Variants in FBXL5 observed in about 807,000 individuals in gnomAD.
FBXL5 encodes the protein F-box and leucine rich repeat protein 5.
Under a neutral mutation model 78.3 loss-of-function variants are expected in FBXL5, and 26 were observed. The observed-to-expected ratio is 0.33, with a 90% CI of 0.24 to 0.46. The LOEUF (loss-of-function observed/expected upper bound fraction) is 0.46. Among genes scored for constraint, FBXL5 ranks in the 20% least tolerant of loss-of-function variants. FBXL5 has a pLI of 1.00. For synonymous variants in FBXL5, 295 were observed against 282.5 expected (o/e 1.04, Z -0.45); for missense variants, 710 against 829.2 (o/e 0.86, Z 1.77).
At chr4:15,638,955 G>A (rs992482643) in intron 3 of FBXL5, among the ~76,000 whole-genome samples, 11 of 152,044 alleles carry the variant, frequency 7.2e-5, no homozygotes, top group Non-Finnish European at 1.3e-4. Flanking sequence ...ACCTGAGGTC[G>A]GGAGTTCGAG....
intron 9 of FBXL5, among the ~76,000 whole-genome samples, chr4:15,616,314 C>A (rs1711865512): frequency 6.6e-6 from 1 of 152,240 alleles, no homozygotes; most frequent in East Asian, 1.9e-4. Context: ...ATACAGGTCA[C>A]CCGGGAAGTG....
intron 2 of FBXL5, chr4:15,641,476 T>C (rs1714866739): frequency 2.9e-6 from 1 of 341,808 alleles, no homozygotes; most frequent in Non-Finnish European, 5.5e-6. Context: ...TGAATAGATT[T>C]TTTTCTTCCG....
chr4:15,652,652 G>A (rs571550362), intron 1 of FBXL5, among the ~76,000 whole-genome samples: 11 of 152,112 alleles, frequency 7.2e-5, no homozygotes, highest in African/African-American at 2.7e-4. Flanking sequence ...ACATAACTTT[G>A]GAATACATTA....
chr4:15,605,717 C>T lies in FBXL5; in HGVS notation c.*6G>A, dbSNP rs1013172430. 6.2e-7 allele frequency: 1 copy of T among 1,612,880 alleles called. No homozygotes were observed. Among genetic ancestry groups the T allele is most frequent in the Non-Finnish European group, 8.5e-7 (1 of 1,179,258 alleles). On this transcript the variant is annotated 3_prime_UTR_variant, in exon 11 of 11. Transcript: ENST00000341285. ...AATGAAGTAGACAAAGATCAGAAGTCAAGGGTCATTCGCCAGAGCGGCAGC... is the reference window on the plus strand; with the variant it reads ...AATGAAGTAGACAAAGATCAGAAGTTAAGGGTCATTCGCCAGAGCGGCAGC...
chr4:15,626,100 A>T, intron 8 of FBXL5, 123 bp from the exon 9 acceptor site: 1 of 892,938 alleles, frequency 1.1e-6, no homozygotes, highest in Non-Finnish European at 1.6e-6. Context: ...TTAAGTATTT[A>T]GTGAATTATC....
At chr4:15,663,725 T>C (rs940540286), upstream of FBXL5, among the ~76,000 whole-genome samples, 31 of 152,174 alleles carry the variant, frequency 2.0e-4, no homozygotes, top group Admixed American at 1.8e-3. Flanking sequence ...ATCTGCTTAT[T>C]TCTGTCACTA....
chr4:15,657,516 T>G (rs977160289), upstream of FBXL5, among the ~76,000 whole-genome samples: 1 of 152,144 alleles, frequency 6.6e-6, no homozygotes, highest in African/African-American at 2.4e-5. Flanking sequence ...ACAAAAAAAG[T>G]CCATCCACAC....
chr4:15,635,508 C>G (rs1355089643), intron 5 of FBXL5, among the ~76,000 whole-genome samples: 1 of 151,976 alleles, frequency 6.6e-6, no homozygotes, highest in Non-Finnish European at 1.5e-5. Flanking sequence ...AATTACAGCA[C>G]TTTGGGAGGC....
intron 9 of FBXL5, among the ~76,000 whole-genome samples, chr4:15,617,397 A>T (rs533367309): frequency 6.6e-6 from 1 of 152,196 alleles, no homozygotes; most frequent in African/African-American, 2.4e-5. Flanking sequence ...CAAAAAAAAA[A>T]ATTAACCAGG....
At chr4:15,651,602 C>T (rs1160089001) in intron 1 of FBXL5, among the ~76,000 whole-genome samples, 9 of 152,078 alleles carry the variant, frequency 5.9e-5, no homozygotes, top group Non-Finnish European at 1.0e-4. Flanking sequence ...GGAAGGAAAA[C>T]TGACAATAAA....
At chr4:15,634,897 T>C (rs1017579991) in intron 5 of FBXL5, among the ~76,000 whole-genome samples, 1 of 152,132 alleles carries the variant, frequency 6.6e-6, no homozygotes, top group Non-Finnish European at 1.5e-5. Context: ...TCTGCATCCA[T>C]GTTTGCCTTT....
chr4:15,631,998 T>C (rs937775669), intron 5 of FBXL5, among the ~76,000 whole-genome samples: 4 of 152,254 alleles, frequency 2.6e-5, no homozygotes, highest in African/African-American at 7.2e-5. Context: ...CCCATGCCTA[T>C]GTCCTGAATG....
chr4:15,653,840 G>A (rs1245718123), intron 1 of FBXL5, among the ~76,000 whole-genome samples: 1 of 152,192 alleles, frequency 6.6e-6, no homozygotes, highest in Non-Finnish European at 1.5e-5. Flanking sequence ...CTCAAATGGA[G>A]AGCTTTAATC....
intron 10 of FBXL5, among the ~76,000 whole-genome samples, chr4:15,610,916 A>T (rs1280018695): frequency 1.3e-5 from 2 of 152,116 alleles, no homozygotes; most frequent in African/African-American, 2.4e-5. Context: ...TATAGCACTA[A>T]ACCTACAATA....
Position 15,625,393 on chromosome 4 carries a change from C to T in FBXL5, c.1709G>A (p.Cys570Tyr), listed in dbSNP as rs1712932561. Residue 570 changes from cysteine (C) to tyrosine (Y), a missense_variant, in exon 9 of 11, where the codon TGT becomes TAT. Physicochemically the swap from Cys to Tyr is radical, Grantham distance 194. Transcript: ENST00000341285. ...MSSLPESSAM[C>Y]RKAARTRLPR... ...CAATCTAGTCCTTGCTGCTTTTCTA[C>T]ACATTGCAGAAGATTCTGGGAGTGA... is the stretch of plus-strand genomic sequence containing the variant. 15 of 1,614,044 alleles carry T rather than the reference C, an allele frequency of 9.3e-6. No homozygotes were observed. Among genetic ancestry groups the T allele is most frequent in the Non-Finnish European group, 1.3e-5 (15 of 1,180,036 alleles).
intron 7 of FBXL5, among the ~76,000 whole-genome samples, chr4:15,627,542 T>C (rs2148584724): frequency 6.6e-6 from 1 of 152,300 alleles, no homozygotes; most frequent in South Asian, 2.1e-4. Flanking sequence ...AAAACAGTGA[T>C]TTCATCTCAT....
chr4:15,639,934 A>C (rs956272794), intron 3 of FBXL5, among the ~76,000 whole-genome samples: 2 of 152,186 alleles, frequency 1.3e-5, no homozygotes, highest in Non-Finnish European at 2.9e-5. Context: ...TCTATTTCTT[A>C]CTCTGATATT....
chr4:15,661,985 G>A (rs567564315), upstream of FBXL5, among the ~76,000 whole-genome samples: 1 of 152,336 alleles, frequency 6.6e-6, no homozygotes, highest in African/African-American at 2.4e-5. Flanking sequence ...TTATAATATG[G>A]TAGCTTGCTT....
At chr4:15,624,935 T>C (rs1276009994) in intron 9 of FBXL5, among the ~76,000 whole-genome samples, 2 of 152,242 alleles carry the variant, frequency 1.3e-5, no homozygotes, top group Admixed American at 6.5e-5. Context: ...TTGTTACATG[T>C]TCTTGAGAGT....
Sources: gnomAD v4.1 joint callset for allele counts (sites outside exome capture counted in the v4.1 genomes callset) on GRCh38, gnomAD v4.1.1 for gene constraint, MANE v1.5 for transcripts, NCBI Gene and HGNC (gene_info 2026-07-23, HGNC 2026-07-21) for gene names.